Variants in PCTP observed in about 807,000 individuals in gnomAD.
PCTP encodes phosphatidylcholine transfer protein, also known as START domain-containing protein 2.
A neutral mutation model predicts 31.0 loss-of-function variants in PCTP; 27 were observed. The ratio of observed to expected loss-of-function variants is 0.87; its 90% CI spans 0.64 to 1.20. The LOEUF is 1.20. Among genes scored for constraint, PCTP ranks in the 50% most tolerant of loss-of-function variants. The pLI is 0.00. For missense variants in PCTP, 287 were observed against 268.2 expected (o/e 1.07, Z -0.49); for synonymous variants, 108 against 101.2 (o/e 1.07, Z -0.40).
At chr17:55,845,892 GT>G (rs1906136986), downstream of PCTP, among the ~76,000 whole-genome samples, 2 of 128,880 alleles carry the variant, frequency 1.6e-5, no homozygotes, top group African/African-American at 6.2e-5. Flanking sequence ...GTTGGGGTGT[GT>G]GTGTGTGTGT....
intron 3 of PCTP, among the ~76,000 whole-genome samples, chr17:55,806,732 A>T (rs1257197396): frequency 2.6e-5 from 4 of 152,166 alleles, no homozygotes; most frequent in Non-Finnish European, 5.9e-5. Flanking sequence ...GCTGAGTTTT[A>T]GATGGGAGTG....
At chr17:55,783,592 G>A (rs1225212868) in intron 2 of PCTP, among the ~76,000 whole-genome samples, 1 of 152,166 alleles carries the variant, frequency 6.6e-6, no homozygotes, top group Non-Finnish European at 1.5e-5. Flanking sequence ...AGCTTATGAG[G>A]GGCTGGATCT....
At chr17:55,803,414 C>G (rs1912456644) in intron 3 of PCTP, among the ~76,000 whole-genome samples, 1 of 152,076 alleles carries the variant, frequency 6.6e-6, no homozygotes, top group African/African-American at 2.4e-5. Context: ...CAATCGTAAG[C>G]CAAAAGAACG....
intron 1 of PCTP, among the ~76,000 whole-genome samples, chr17:55,765,892 C>A (rs1910619977): frequency 6.6e-6 from 1 of 152,186 alleles, no homozygotes; most frequent in Non-Finnish European, 1.5e-5. Flanking sequence ...GATGCCAGCC[C>A]ACCAATCTGA....
At chr17:55,807,717 T>A (rs1403392597) in intron 3 of PCTP, among the ~76,000 whole-genome samples, 5 of 152,184 alleles carry the variant, frequency 3.3e-5, no homozygotes, top group Admixed American at 2.0e-4. Flanking sequence ...TGAAATATGT[T>A]TGCTTTTTCA....
intron 1 of PCTP, among the ~76,000 whole-genome samples, chr17:55,762,798 C>A (rs1014069281): frequency 6.6e-6 from 1 of 152,094 alleles, no homozygotes; most frequent in Admixed American, 6.5e-5. Context: ...GGCTACCTCT[C>A]CCTGCAGAGG....
At chr17:55,820,496 C>G (rs1007673135) in intron 3 of PCTP, among the ~76,000 whole-genome samples, 1 of 152,124 alleles carries the variant, frequency 6.6e-6, no homozygotes, top group African/African-American at 2.4e-5. Flanking sequence ...GAATAGCTCC[C>G]TCGAACCTCT....
At chr17:55,791,930 G>A (rs1911998282) in intron 3 of PCTP, among the ~76,000 whole-genome samples, 1 of 152,024 alleles carries the variant, frequency 6.6e-6, no homozygotes, top group Non-Finnish European at 1.5e-5. Flanking sequence ...TGATAGACTG[G>A]CTTAGGAAAA....
chr17:55,777,304 C>A lies in PCTP; in HGVS notation c.*1204C>A, dbSNP rs1911387845. The A allele has an allele frequency of 1.0e-6, 1 of 984,210 alleles. No homozygotes were observed. Among genetic ancestry groups the A allele is most frequent in the South Asian group, 4.7e-5 (1 of 21,238 alleles). The allele number at this position is 984,210 out of a possible 1,614,324, so 61.0% of individuals were successfully genotyped here. A position where few individuals can be genotyped will look rare whatever the true frequency, so the allele number is the denominator to read the frequency against. On this transcript the variant is annotated 3_prime_UTR_variant, in exon 6 of 6. Transcript: ENST00000268896. Reference sequence around the variant, plus strand: ...GAATGGGATTTATTAATGTGGGATACCTCAGACTGTTTGTTTTCTTTCTGG... The same window carrying A: ...GAATGGGATTTATTAATGTGGGATAACTCAGACTGTTTGTTTTCTTTCTGG...
intron 2 of PCTP, among the ~76,000 whole-genome samples, chr17:55,782,850 A>G (rs1911608569): frequency 1.3e-5 from 2 of 152,212 alleles, no homozygotes. Context: ...CCTTGTCTGC[A>G]TAGCATGTAA....
rs982531876 is a variant in PCTP, at chr17:55,776,849, G to A, written c.*749G>A. 9.9e-7 allele frequency: 1 copy of A among 1,005,028 alleles called. No individual in the cohort carries two copies. Among genetic ancestry groups the A allele is most frequent in the African/African-American group, 1.7e-5 (1 of 58,064 alleles). The allele number at this position is 1,005,028 out of a possible 1,614,324, so 62.3% of individuals were successfully genotyped here. On this transcript the variant is annotated 3_prime_UTR_variant, in exon 6 of 6. Transcript: ENST00000268896. The stretch of plus-strand genomic sequence containing the variant: ...TTCTCTTTTCCATATGTCACTGGGG[G>A]AAAGGCTGCCTGTACCTCTCAAGCT...
chr17:55,780,357 G>A (rs1911518939), downstream of PCTP, among the ~76,000 whole-genome samples: 1 of 152,138 alleles, frequency 6.6e-6, no homozygotes, highest in Non-Finnish European at 1.5e-5. Context: ...GATATGCCAG[G>A]CCCACTGCCA....
intron 3 of PCTP, among the ~76,000 whole-genome samples, chr17:55,801,274 A>G (rs1912368981): frequency 6.6e-6 from 1 of 152,200 alleles, no homozygotes; most frequent in South Asian, 2.1e-4. Context: ...GGGAGACTGT[A>G]ATACCCCACT....
downstream of PCTP, among the ~76,000 whole-genome samples, chr17:55,779,480 G>A (rs577457502): frequency 2.8e-4 from 42 of 152,256 alleles, no homozygotes; most frequent in South Asian, 8.3e-3. Flanking sequence ...CACATGTGAA[G>A]AATGACAGAA....
At chr17:55,753,234 C>T (rs1374152968) in intron 1 of PCTP, among the ~76,000 whole-genome samples, 1 of 152,186 alleles carries the variant, frequency 6.6e-6, no homozygotes, top group Admixed American at 6.5e-5. Context: ...ATTGCAGTGA[C>T]CTCTTAACTA....
chr17:55,845,751 G>A (rs568771787), downstream of PCTP, among the ~76,000 whole-genome samples: 81 of 152,032 alleles, frequency 5.3e-4, no homozygotes, highest in African/African-American at 1.9e-3. Context: ...TGTGAGGGCC[G>A]AGCCCCCCCG....
intron 1 of PCTP, chr17:55,751,447 GA>G (rs1380771651): frequency 6.5e-7 from 1 of 1,533,492 alleles, no homozygotes; most frequent in African/African-American, 1.4e-5. Flanking sequence ...AGATCCAGGG[GA>G]GTTGGAAGGT....
At chr17:55,792,121 A>G (rs1174506393) in intron 3 of PCTP, among the ~76,000 whole-genome samples, 1 of 134,286 alleles carries the variant, frequency 7.4e-6, no homozygotes, top group Non-Finnish European at 1.5e-5. Context: ...ACACATGGAC[A>G]CAGGAAGGGG....
At chr17:55,819,842 T>C (rs1011939020) in intron 3 of PCTP, among the ~76,000 whole-genome samples, 1 of 152,338 alleles carries the variant, frequency 6.6e-6, no homozygotes, top group East Asian at 1.9e-4. Flanking sequence ...TAGAATAGAA[T>C]TGAGGATCCA....
Sources: allele counts gnomAD v4.1 joint callset (sites outside exome capture counted in the v4.1 genomes callset), GRCh38; gene constraint gnomAD v4.1.1; transcripts MANE v1.5; gene names NCBI Gene and HGNC (gene_info 2026-07-23, HGNC 2026-07-21).